CNTNAP2: variants seen among roughly 807,000 people sequenced by gnomAD.
CNTNAP2 encodes contactin-associated protein-like 2.
Under a neutral mutation model 155.2 loss-of-function variants are expected in CNTNAP2, and 98 were observed. The observed-to-expected ratio is 0.63, with a 90% CI of 0.54 to 0.75. CNTNAP2 has a LOEUF of 0.75. Among genes scored for constraint, CNTNAP2 ranks in the 30% least tolerant of loss-of-function variants. The probability of loss-of-function intolerance (pLI) is 0.00; values close to 1 mark genes in which losing one functional copy is unlikely to be tolerated. For missense variants in CNTNAP2, 1,727 were observed against 1,688.1 expected, an observed-to-expected ratio of 1.02 and a Z score of -0.40; for synonymous variants, 651 against 631.2, an observed-to-expected ratio of 1.03 and a Z score of -0.47.
chr7:147,985,201 C>G (rs371699727), intron 15 of CNTNAP2, among the ~76,000 whole-genome samples: 13 of 151,824 alleles, frequency 8.6e-5, no homozygotes, highest in East Asian at 1.9e-4. Flanking sequence ...CTCTGGTAAT[C>G]CCCTCAACAG....
At chr7:148,194,639 C>T (rs1345622788) in intron 18 of CNTNAP2, among the ~76,000 whole-genome samples, 1 of 152,106 alleles carries the variant, frequency 6.6e-6, no homozygotes, top group Non-Finnish European at 1.5e-5. Context: ...AGTCTGAAGG[C>T]CTGGGAACAG....
chr7:148,267,327 G>A lies in CNTNAP2; in HGVS notation c.3475+201G>A, dbSNP rs546242142. Among the ~76,000 whole-genome samples, 5 of 152,192 alleles carry A rather than the reference G, an allele frequency of 3.3e-5. No individual in the cohort carries two copies. The South Asian group carries it at 1.0e-3, about 32-fold the overall frequency. ...ATTATCTTTGGGGGAAATTGCTCAT[G>A]TAACTCATTCTAAAGCTAATTCGCC... On this transcript the variant is annotated intron_variant, in intron 21 of 23. Coordinates refer to ENST00000361727, the MANE Select transcript of CNTNAP2 (RefSeq NM_014141.6).
intron 13 of CNTNAP2, among the ~76,000 whole-genome samples, chr7:147,784,971 G>A (rs1797717679): frequency 6.6e-6 from 1 of 152,088 alleles, no homozygotes; most frequent in African/African-American, 2.4e-5. Context: ...ACAATGCCAA[G>A]AGAGAAAACA....
chr7:148,051,132 A>AATAT (rs1802882057), intron 15 of CNTNAP2, among the ~76,000 whole-genome samples: 1 of 152,214 alleles, frequency 6.6e-6, no homozygotes, highest in Non-Finnish European at 1.5e-5. Context: ...TATACACTAT[A>AATAT]AGTTTGTGAT....
intron 22 of CNTNAP2, among the ~76,000 whole-genome samples, chr7:148,406,105 G>A (rs1191488788): frequency 6.6e-6 from 1 of 151,680 alleles, no homozygotes; most frequent in Non-Finnish European, 1.5e-5. Flanking sequence ...GTTGGCGGGC[G>A]CCTGTAGTCC....
intron 10 of CNTNAP2, among the ~76,000 whole-genome samples, chr7:147,401,634 C>T (rs931613665): frequency 1.3e-5 from 2 of 152,104 alleles, no homozygotes; most frequent in Non-Finnish European, 2.9e-5. Context: ...TTTGTAATCA[C>T]CATGTATCAG....
chr7:148,025,153 A>G (rs1802353690), intron 15 of CNTNAP2, among the ~76,000 whole-genome samples: 1 of 152,210 alleles, frequency 6.6e-6, no homozygotes, highest in Non-Finnish European at 1.5e-5. Flanking sequence ...ATAACCAGCT[A>G]TTGTTCCAGA....
At chr7:146,933,858 C>T (rs1217572053) in intron 3 of CNTNAP2, among the ~76,000 whole-genome samples, 1 of 152,076 alleles carries the variant, frequency 6.6e-6, no homozygotes, top group Admixed American at 6.5e-5. Flanking sequence ...CATCACTGGC[C>T]ATTAGAGAAA....
chr7:147,276,522 T>C (rs1804900247), intron 8 of CNTNAP2, among the ~76,000 whole-genome samples: 1 of 152,090 alleles, frequency 6.6e-6, no homozygotes, highest in Non-Finnish European at 1.5e-5. Flanking sequence ...ATGTTACAGA[T>C]ACCATAGCTT....
At chr7:146,416,643 A>G (rs1213167762) in intron 1 of CNTNAP2, among the ~76,000 whole-genome samples, 3 of 152,158 alleles carry the variant, frequency 2.0e-5, no homozygotes, top group Admixed American at 6.6e-5. Flanking sequence ...ATTTAAAGCC[A>G]TAAAATCATA....
At chr7:146,359,705 T>G (rs1317310266) in intron 1 of CNTNAP2, among the ~76,000 whole-genome samples, 1 of 152,192 alleles carries the variant, frequency 6.6e-6, no homozygotes, top group Non-Finnish European at 1.5e-5. Flanking sequence ...CTTATTATAA[T>G]GTAATAGCAT....
intron 1 of CNTNAP2, among the ~76,000 whole-genome samples, chr7:146,588,394 T>C (rs1798728906): frequency 1.3e-5 from 2 of 152,220 alleles, no homozygotes; most frequent in Admixed American, 1.3e-4. Flanking sequence ...TCTTCATGTG[T>C]AGACTGAGAT....
At chr7:147,131,103 C>CACATATATATACCATAT (rs1454207863) in intron 7 of CNTNAP2, among the ~76,000 whole-genome samples, 4 of 139,698 alleles carry the variant, frequency 2.9e-5, no homozygotes, top group Non-Finnish European at 4.7e-5. Flanking sequence ...TATATACACA[C>CACATATATATACCATAT]ACATATATAT....
intron 13 of CNTNAP2, among the ~76,000 whole-genome samples, chr7:147,699,081 AG>A (rs1267779734): frequency 6.6e-6 from 1 of 152,042 alleles, no homozygotes; most frequent in Non-Finnish European, 1.5e-5. Flanking sequence ...TGAGAGGAAA[AG>A]GGGTAGTAGT....
chr7:148,130,871 A>G (rs1447017252), intron 16 of CNTNAP2, among the ~76,000 whole-genome samples: 2 of 152,268 alleles, frequency 1.3e-5, no homozygotes, highest in Non-Finnish European at 1.5e-5. Flanking sequence ...CATTTCCCCA[A>G]AAATACCAAA....
intron 1 of CNTNAP2, among the ~76,000 whole-genome samples, chr7:146,131,270 A>C (rs1456916307): frequency 1.3e-5 from 2 of 152,150 alleles, no homozygotes; most frequent in Admixed American, 1.3e-4. Flanking sequence ...AATTATTTGG[A>C]TTGTTAATAC....
In CNTNAP2 at chr7:146,986,996, AC is replaced by A. The variant is rs141419335; in HGVS notation, c.403-56909del. Among the ~76,000 whole-genome samples, 1,002 of 152,222 alleles carry A rather than the reference AC, an allele frequency of 6.6e-3. 12 individuals carry two copies. Among genetic ancestry groups the A allele is most frequent in the African/African-American group, 0.022 (917 of 41,548 alleles). On this transcript the variant is annotated intron_variant, in intron 3 of 23. Transcript: ENST00000361727. ...ATAAAGTTGTTTCGTTCTCTGAAGA[AC>A]CTGCAGAGAACCCTCGTCTGGAGAA...
intron 1 of CNTNAP2, among the ~76,000 whole-genome samples, chr7:146,755,180 T>C (rs1801974048): frequency 6.6e-6 from 1 of 151,980 alleles, no homozygotes; most frequent in African/African-American, 2.4e-5. Flanking sequence ...AAAAGACACA[T>C]GTTTATTCAT....
chr7:147,550,711 G>A (rs1264197797), intron 11 of CNTNAP2, among the ~76,000 whole-genome samples: 2 of 152,160 alleles, frequency 1.3e-5, no homozygotes, highest in Non-Finnish European at 2.9e-5. Context: ...GAAAGACAAT[G>A]CCAGGCAACT....
Sources: gnomAD v4.1 joint callset for allele counts (sites outside exome capture counted in the v4.1 genomes callset) on GRCh38, gnomAD v4.1.1 for gene constraint, MANE v1.5 for transcripts, NCBI Gene and HGNC (gene_info 2026-07-23, HGNC 2026-07-21) for gene names.